TXNL1: variants seen among roughly 807,000 people sequenced by gnomAD.
TXNL1 encodes thioredoxin-like protein 1.
In TXNL1, 14 loss-of-function variants were observed where a neutral mutation model predicts 35.5. The ratio of observed to expected loss-of-function variants is 0.39; its 90% CI spans 0.26 to 0.62. The LOEUF (loss-of-function observed/expected upper bound fraction) is 0.62. TXNL1 is among the 20% of genes least tolerant of loss of function. The pLI is 0.47. For synonymous variants in TXNL1, 110 were observed against 115.5 expected (o/e 0.95, Z 0.31); for missense variants, 263 against 349.7 (o/e 0.75, Z 1.98).
chr18:56,598,840 C>T lies in TXNL1; in HGVS notation c.*4187G>A, dbSNP rs1225356421. The T allele has an allele frequency of 6.6e-6, 1 of 152,210 alleles. No individual in the cohort carries two copies. Among genetic ancestry groups the T allele is most frequent in the Non-Finnish European group, 1.5e-5 (1 of 68,048 alleles). 9.4% of individuals were successfully genotyped at this position (152,210 alleles called of 1,614,324 possible). ...GAAATTTGAGCTCTGAAGGATGTTA[C>T]TTGCTCAAGATGACACAGCTAACAA... On this transcript the variant is annotated 3_prime_UTR_variant, in exon 8 of 8. Coordinates refer to ENST00000217515, the MANE Select transcript of TXNL1 (RefSeq NM_004786.3).
chr18:56,632,071 G>C (rs1203033378), intron 1 of TXNL1, among the ~76,000 whole-genome samples: 7 of 152,124 alleles, frequency 4.6e-5, no homozygotes. Context: ...ACTAGAACAG[G>C]CAATTCATAA....
At position 56,600,770 on chromosome 18, in the gene TXNL1, T is replaced by C. The variant is rs1297025871; in HGVS notation, c.*2257A>G. Reference sequence around the variant, plus strand: ...TGATGTCAAAGAGAACTCAGAAGGATTATAAAAGCCTGTCGTGGGCACAAG... The same window carrying C: ...TGATGTCAAAGAGAACTCAGAAGGACTATAAAAGCCTGTCGTGGGCACAAG... On this transcript the variant is annotated 3_prime_UTR_variant, in exon 8 of 8. Coordinates refer to ENST00000217515, the MANE Select transcript of TXNL1 (RefSeq NM_004786.3). The C allele has an allele frequency of 6.6e-6, 1 of 152,222 alleles. No homozygotes were observed. Among genetic ancestry groups the C allele is most frequent in the Non-Finnish European group, 1.5e-5 (1 of 68,076 alleles). The allele number at this position is 152,222 out of a possible 1,614,324, so 9.4% of individuals were successfully genotyped here.
At chr18:56,636,738 T>C (rs1002465285) in intron 1 of TXNL1, among the ~76,000 whole-genome samples, 11 of 152,188 alleles carry the variant, frequency 7.2e-5, no homozygotes, top group African/African-American at 2.7e-4. Context: ...ATTTATTATT[T>C]TATTATCTCT....
At chr18:56,611,148 G>T in intron 6 of TXNL1, 51 bp from the exon 7 acceptor site, 1 of 1,185,166 alleles carries the variant, frequency 8.4e-7, no homozygotes, top group Non-Finnish European at 1.2e-6. Context: ...TCACAAACAT[G>T]CTTTAAGTTT....
At chr18:56,613,934 G>T (rs2024038397) in intron 6 of TXNL1, among the ~76,000 whole-genome samples, 1 of 152,034 alleles carries the variant, frequency 6.6e-6, no homozygotes, top group Non-Finnish European at 1.5e-5. Context: ...TCAGGAGGCT[G>T]AGGCGGGAAG....
At chr18:56,636,719 T>A (rs2024461216) in intron 1 of TXNL1, among the ~76,000 whole-genome samples, 1 of 152,184 alleles carries the variant, frequency 6.6e-6, no homozygotes, top group Non-Finnish European at 1.5e-5. Flanking sequence ...CTCACTTCAA[T>A]CAATATTTAT....
chr18:56,614,617 AT>A, intron 5 of TXNL1, 21 bp from the exon 6 acceptor site: 1 of 1,593,460 alleles, frequency 6.3e-7, no homozygotes, highest in South Asian at 1.1e-5. Flanking sequence ...GTAGAATAAA[AT>A]AAAATGTTTA....
chr18:56,603,023 T>A lies in TXNL1; in HGVS notation c.*4A>T. 1 of 1,613,866 alleles carries A rather than the reference T, an allele frequency of 6.2e-7. No homozygotes were observed. The highest frequency in any genetic ancestry group is 8.5e-7 in the Non-Finnish European group (1 of 1,179,844). On this transcript the variant is annotated 3_prime_UTR_variant, in exon 8 of 8. Coordinates refer to ENST00000217515, the MANE Select transcript of TXNL1 (RefSeq NM_004786.3). Reference sequence around the variant, plus strand: ...CAATATGGTTGTCCAGTGTCTTTTGTACCTTAGTGGCTTTCTCCTTTTTTG... The same window carrying A: ...CAATATGGTTGTCCAGTGTCTTTTGAACCTTAGTGGCTTTCTCCTTTTTTG...
chr18:56,623,217 C>G (rs1400255479), intron 3 of TXNL1, among the ~76,000 whole-genome samples: 1 of 152,154 alleles, frequency 6.6e-6, no homozygotes. Flanking sequence ...CACCTGAGGT[C>G]AGGAGTTCGA....
intron 3 of TXNL1, among the ~76,000 whole-genome samples, chr18:56,619,133 G>C (rs781002766): frequency 2.7e-5 from 4 of 148,998 alleles, no homozygotes; most frequent in Non-Finnish European, 4.4e-5. Context: ...AGGATGGCTT[G>C]AGCTCAGGAA....
At position 56,610,382 on chromosome 18, in the gene TXNL1, A is replaced by G. The variant is rs78205688; in HGVS notation, c.840+611T>C. On this transcript the variant is annotated intron_variant, in intron 7 of 7. Transcript: ENST00000217515. ...ATTAATCTGGATTAACAAAGGTCCC[A>G]TGTACCCTATTAATTCTTTACTAAC... The G allele has an allele frequency of 2.8e-3, 423 of 152,072 alleles. 6 individuals are homozygous for G. The East Asian group carries it at 0.037, about 13-fold the overall frequency. The allele number at this position is 152,072 out of a possible 1,614,324, so 9.4% of individuals were successfully genotyped here.
In TXNL1 at chr18:56,629,303, G is replaced by A. The variant is rs189961434; in HGVS notation, c.99-2846C>T. On this transcript the variant is annotated intron_variant, in intron 1 of 7. Coordinates refer to ENST00000217515, the MANE Select transcript of TXNL1 (RefSeq NM_004786.3). Reference sequence around the variant, plus strand: ...AGCACTTTGGGAGGCCAAGATGGGCGGATCACTTGAGTCCAGGAGTTCTAG... The same window carrying A: ...AGCACTTTGGGAGGCCAAGATGGGCAGATCACTTGAGTCCAGGAGTTCTAG... 2.4e-4 allele frequency among the ~76,000 whole-genome samples: 37 copies of A among 152,312 alleles called. No individual in the cohort carries two copies. In the East Asian group the frequency reaches 7.1e-3, roughly 29 times the overall value.
At chr18:56,624,545 T>A in intron 2 of TXNL1, 84 bp from the exon 3 acceptor site, 1 of 1,418,138 alleles carries the variant, frequency 7.1e-7, no homozygotes, top group Middle Eastern at 1.9e-4. Context: ...GGAAGTTAAA[T>A]ACCATAAGCA....
chr18:56,638,545 T>C lies in TXNL1; in HGVS notation c.-105A>G, dbSNP rs1001556812. 2 of 1,193,602 alleles carry C rather than the reference T, an allele frequency of 1.7e-6. No homozygotes were observed. The highest frequency in any genetic ancestry group is 1.5e-5 in the South Asian group (1 of 67,554). The allele number at this position is 1,193,602 out of a possible 1,614,324, so 73.9% of individuals were successfully genotyped here. A position where few individuals can be genotyped will look rare whatever the true frequency, so the allele number is the denominator to read the frequency against. On this transcript the variant is annotated 5_prime_UTR_variant, in exon 1 of 8. Transcript: ENST00000217515. ...AGAGATGCTCAGGAAGGCCGAGGCC[T>C]GGACAGAAGAGGTGGCGACCGCCGA... is the stretch of plus-strand genomic sequence containing the variant.
chr18:56,630,207 A>G (rs1433458242), intron 1 of TXNL1, among the ~76,000 whole-genome samples: 5 of 152,118 alleles, frequency 3.3e-5, no homozygotes, highest in Non-Finnish European at 5.9e-5. Flanking sequence ...GGAAAAGAAA[A>G]AAAAAAAAAA....
Position 56,616,188 on chromosome 18 carries a change from A to G in TXNL1, c.562+57T>C, listed in dbSNP as rs950332163. ...CTATTTAATAAAAAGTTTTAATTTT[A>G]TGCTAACAGTTCTACAAAGCAGAAG... On this transcript the variant is annotated intron_variant, in intron 5 of 7. Coordinates refer to ENST00000217515, the MANE Select transcript of TXNL1 (RefSeq NM_004786.3). 14 of 1,460,050 alleles carry G rather than the reference A, an allele frequency of 9.6e-6. No homozygotes were observed. In the Admixed American group the frequency reaches 2.8e-4, roughly 30 times the overall value. 90.4% of individuals were successfully genotyped at this position (1,460,050 alleles called of 1,614,324 possible). A position where few individuals can be genotyped will look rare whatever the true frequency, so the allele number is the denominator to read the frequency against.
intron 1 of TXNL1, among the ~76,000 whole-genome samples, chr18:56,635,609 G>A (rs2024443679): frequency 6.6e-6 from 1 of 152,172 alleles, no homozygotes; most frequent in Admixed American, 6.6e-5. Context: ...GAGGTAGATG[G>A]GGAGGGGCAA....
intron 1 of TXNL1, among the ~76,000 whole-genome samples, chr18:56,629,453 G>A (rs900432581): frequency 3.0e-4 from 46 of 152,128 alleles, no homozygotes; most frequent in African/African-American, 8.7e-4. Flanking sequence ...ACTTGCACCC[G>A]GGAAGCGGAG....
chr18:56,609,911 A>G (rs1398080574), intron 7 of TXNL1: 2 of 152,256 alleles, frequency 1.3e-5, no homozygotes, highest in Non-Finnish European at 2.9e-5. Flanking sequence ...GAAAACAACC[A>G]GTTAAAATAC....
Sources: gnomAD v4.1 joint callset for allele counts (sites outside exome capture counted in the v4.1 genomes callset) on GRCh38, gnomAD v4.1.1 for gene constraint, MANE v1.5 for transcripts, NCBI Gene and HGNC (gene_info 2026-07-23, HGNC 2026-07-21) for gene names.